The following RAD51 variants were observed in gnomAD, a reference collection of about 807,000 sequenced individuals.
RAD51 encodes the protein RAD51 recombinase.
RAD51 carries 14 observed loss-of-function variants against 41.5 expected under a neutral mutation model. The ratio of observed to expected loss-of-function variants is 0.34; its 90% CI spans 0.22 to 0.53. The LOEUF is 0.53. Ranked by LOEUF, RAD51 falls within the 20% of genes least tolerant of loss-of-function variation. The pLI is 0.95. For missense variants in RAD51, 234 were observed against 422.0 expected (o/e 0.55, Z 3.90); for synonymous variants, 136 against 148.6 (o/e 0.92, Z 0.62).
chr15:40,696,185 T>G (rs753723626), intron 1 of RAD51, among the ~76,000 whole-genome samples: 1 of 151,978 alleles, frequency 6.6e-6, no homozygotes, highest in Non-Finnish European at 1.5e-5. Context: ...GCCCCTGTTT[T>G]TTTGTTTGTT....
At chr15:40,702,405 C>T (rs1895060533) in intron 3 of RAD51, among the ~76,000 whole-genome samples, 1 of 152,186 alleles carries the variant, frequency 6.6e-6, no homozygotes, top group Admixed American at 6.5e-5. Context: ...ACAATGCAAA[C>T]CTAGAATACA....
intron 4 of RAD51, among the ~76,000 whole-genome samples, chr15:40,707,180 T>C (rs1460175968): frequency 7.7e-6 from 1 of 130,370 alleles, no homozygotes; most frequent in Admixed American, 8.4e-5. Flanking sequence ...TTTTTTTGAG[T>C]CGGGGCATCA....
At chr15:40,696,547 C>T (rs1210979418) in intron 1 of RAD51, among the ~76,000 whole-genome samples, 1 of 152,046 alleles carries the variant, frequency 6.6e-6, no homozygotes, top group East Asian at 1.9e-4. Flanking sequence ...CCAACCTGGG[C>T]GATAGAGCAA....
At chr15:40,721,667 A>G (rs1230697972) in intron 6 of RAD51, among the ~76,000 whole-genome samples, 1 of 152,164 alleles carries the variant, frequency 6.6e-6, no homozygotes, top group Non-Finnish European at 1.5e-5. Flanking sequence ...ATGAGGGAAA[A>G]AATGGTCTTT....
intron 5 of RAD51, among the ~76,000 whole-genome samples, chr15:40,718,553 A>G (rs1440654591): frequency 6.6e-6 from 1 of 151,944 alleles, no homozygotes; most frequent in African/African-American, 2.4e-5. Context: ...TTTATTACCT[A>G]CTTTGGGCTA....
intron 5 of RAD51, among the ~76,000 whole-genome samples, chr15:40,709,954 A>G (rs1895585236): frequency 6.6e-6 from 1 of 151,702 alleles, no homozygotes; most frequent in South Asian, 2.1e-4. Context: ...CTTGAGATCA[A>G]GAGTTTGGCT....
intron 9 of RAD51, 67 bp downstream of exon 9, chr15:40,730,041 T>A: frequency 6.3e-7 from 1 of 1,586,130 alleles, no homozygotes; most frequent in East Asian, 2.2e-5. Context: ...CATGAAGATA[T>A]AACATTTTCA....
rs183207249 is a variant in RAD51 at position 40,707,866 on chromosome 15, C to T, written c.344-1159C>T. Among the ~76,000 whole-genome samples the T allele has an allele frequency of 7.1e-4, 108 of 152,014 alleles. 1 individual carries two copies. The highest frequency in any genetic ancestry group is 2.6e-3 in the African/African-American group (107 of 41,444). Reference sequence around the variant, plus strand: ...CTGAGTAGCTGCAATGACAGGCACCCGCCACCGTGCCTGGCTAATTTTTGT... The same window carrying T: ...CTGAGTAGCTGCAATGACAGGCACCTGCCACCGTGCCTGGCTAATTTTTGT... On this transcript the variant is annotated intron_variant, in intron 4 of 9. Coordinates refer to ENST00000267868, the MANE Select transcript of RAD51 (RefSeq NM_002875.5).
At chr15:40,720,968 G>GCTCA (rs1896240680) in intron 6 of RAD51, among the ~76,000 whole-genome samples, 2 of 152,230 alleles carry the variant, frequency 1.3e-5, no homozygotes, top group Admixed American at 1.3e-4. Flanking sequence ...GATCACCTGA[G>GCTCA]GTCAGGAGTT....
rs1008646118 is a variant in RAD51, at chr15:40,697,735, T to C, written c.-2-1022T>C. 4.0e-5 allele frequency among the ~76,000 whole-genome samples: 6 copies of C among 151,784 alleles called. No individual in the cohort carries two copies. The South Asian group carries it at 1.2e-3, about 32-fold the overall frequency. The stretch of plus-strand genomic sequence containing the variant: ...CCAGCTAATTTTTTGTATTTTTTAG[T>C]AGAGACAGGGTTTCACCATGTTAGC... On this transcript the variant is annotated intron_variant, in intron 1 of 9. Coordinates refer to ENST00000267868, the MANE Select transcript of RAD51 (RefSeq NM_002875.5).
chr15:40,714,795 C>T (rs956670700), intron 5 of RAD51, among the ~76,000 whole-genome samples: 1 of 152,166 alleles, frequency 6.6e-6, no homozygotes, highest in Non-Finnish European at 1.5e-5. Context: ...TTAGGTCTCT[C>T]TCTAATAGAA....
At position 40,712,857 on chromosome 15, in the gene RAD51, G is replaced by GT. The variant is rs938907260; in HGVS notation, c.435+3750dup. ...TATCCTCGGGACTCAACTCTGTTGA[G>GT]TTTTTTTTTCTTTTCTTTTCTTTTT... On this transcript the variant is annotated intron_variant, in intron 5 of 9. Transcript: ENST00000267868. 9.2e-3 allele frequency among the ~76,000 whole-genome samples: 1,199 copies of GT among 130,594 alleles called. 15 individuals carry two copies. The highest frequency in any genetic ancestry group is 0.032 in the African/African-American group (1,128 of 35,472). The allele number at this position is 130,594 out of a possible 152,430, so 85.7% of individuals were successfully genotyped here.
intron 6 of RAD51, among the ~76,000 whole-genome samples, chr15:40,719,474 C>T (rs1896159459): frequency 6.6e-6 from 1 of 152,060 alleles, no homozygotes. Flanking sequence ...AAAGATATTG[C>T]ATGCAAATAG....
chr15:40,700,514 G>C (rs1894913789), intron 2 of RAD51, among the ~76,000 whole-genome samples: 1 of 152,158 alleles, frequency 6.6e-6, no homozygotes, highest in African/African-American at 2.4e-5. Flanking sequence ...AAGTGGTCTT[G>C]TAGGGCCCAA....
intron 3 of RAD51, among the ~76,000 whole-genome samples, chr15:40,703,249 G>A (rs1252849434): frequency 6.6e-6 from 1 of 152,094 alleles, no homozygotes; most frequent in Non-Finnish European, 1.5e-5. Flanking sequence ...GTACATGTTT[G>A]TTGCACTGAA....
intron 5 of RAD51, among the ~76,000 whole-genome samples, chr15:40,717,319 C>T (rs1389308237): frequency 1.3e-5 from 2 of 151,970 alleles, no homozygotes; most frequent in Non-Finnish European, 2.9e-5. Context: ...GCCTGGGCAA[C>T]AAGAGCGAAA....
intron 3 of RAD51, among the ~76,000 whole-genome samples, chr15:40,705,071 A>G (rs1895248435): frequency 6.6e-6 from 1 of 152,154 alleles, no homozygotes; most frequent in Admixed American, 6.6e-5. Flanking sequence ...CAGCCTCCCA[A>G]AGTGCTGGGA....
In RAD51 at chr15:40,731,944, A is replaced by G. The variant is rs1439544267; in HGVS notation, c.*766A>G. ...AAAATGCAGAACTTAATCTGGACAC[A>G]CTGTTACACGTGCCTGTAGTCCCAG... On this transcript the variant is annotated 3_prime_UTR_variant, in exon 10 of 10. Transcript: ENST00000267868. 9.6e-6 allele frequency: 2 copies of G among 208,296 alleles called. No individual in the cohort carries two copies. The highest frequency in any genetic ancestry group is 2.0e-5 in the Non-Finnish European group (2 of 102,446). The allele number at this position is 208,296 out of a possible 1,614,324, so 12.9% of individuals were successfully genotyped here.
At chr15:40,723,402 A>T (rs1303615360) in intron 6 of RAD51, among the ~76,000 whole-genome samples, 4 of 152,214 alleles carry the variant, frequency 2.6e-5, no homozygotes, top group Non-Finnish European at 5.9e-5. Context: ...TAATGTTTAT[A>T]GTATCATTAT....
Sources: allele counts gnomAD v4.1 joint callset (sites outside exome capture counted in the v4.1 genomes callset), GRCh38; gene constraint gnomAD v4.1.1; transcripts MANE v1.5; gene names NCBI Gene and HGNC (gene_info 2026-07-23, HGNC 2026-07-21).